The following MTIF3 variants were observed in gnomAD, a reference collection of about 807,000 sequenced individuals.
The protein encoded by MTIF3 is mitochondrial translational initiation factor 3.
A neutral mutation model predicts 20.7 loss-of-function variants in MTIF3; 13 were observed. The observed-to-expected ratio is 0.63, with a 90% CI of 0.41 to 1.00. MTIF3 has a LOEUF of 1.00. Ranked by LOEUF, MTIF3 falls within the 50% of genes least tolerant of loss-of-function variation. MTIF3 has a pLI of 0.00. For missense variants in MTIF3, 295 were observed against 324.5 expected, an observed-to-expected ratio of 0.91 and a Z score of 0.70; for synonymous variants, 114 against 112.5, an observed-to-expected ratio of 1.01 and a Z score of -0.08.
chr13:27,450,230 A>T (rs973475294), intron 1 of MTIF3: 4 of 152,326 alleles, frequency 2.6e-5, no homozygotes, highest in Admixed American at 6.5e-5. Context: ...GAGGGCGCGC[A>T]TGTCGGGACG....
intron 2 of MTIF3, among the ~76,000 whole-genome samples, chr13:27,443,569 T>C (rs1192256334): frequency 6.6e-6 from 1 of 152,228 alleles, no homozygotes; most frequent in Admixed American, 6.5e-5. Context: ...AATAGATAGA[T>C]ATAAATTCTA....
intron 1 of MTIF3, among the ~76,000 whole-genome samples, chr13:27,447,722 T>C (rs1434033251): frequency 2.2e-3 from 6 of 2,788 alleles, no homozygotes; most frequent in East Asian, 8.2e-3. Context: ...ATTGTTCTGA[T>C]TTTTTCCCAT....
chr13:27,445,961 G>T (rs973999466), intron 1 of MTIF3, among the ~76,000 whole-genome samples: 1 of 152,144 alleles, frequency 6.6e-6, no homozygotes, highest in African/African-American at 2.4e-5. Flanking sequence ...AAAAATCAAG[G>T]AGACATAATT....
At chr13:27,450,046 T>A (rs2138223581) in intron 1 of MTIF3, 1 of 152,428 alleles carries the variant, frequency 6.6e-6, no homozygotes, top group Non-Finnish European at 1.5e-5. Flanking sequence ...GCCCTTCGCC[T>A]GGCTCGCTCT....
At chr13:27,437,078 C>G in intron 4 of MTIF3, 38 bp downstream of exon 4, 1 of 1,599,450 alleles carries the variant, frequency 6.3e-7, no homozygotes, top group East Asian at 2.2e-5. Context: ...ATCAGAAGAC[C>G]CAAAGCACAA....
At chr13:27,446,362 ATT>A (rs1566088554) in intron 1 of MTIF3, among the ~76,000 whole-genome samples, 2 of 152,262 alleles carry the variant, frequency 1.3e-5, no homozygotes, top group East Asian at 3.9e-4. Flanking sequence ...CCGCCTGTTA[ATT>A]TTCTTAGGTG....
intron 2 of MTIF3, among the ~76,000 whole-genome samples, chr13:27,444,283 C>T (rs897985945): frequency 2.7e-5 from 4 of 150,128 alleles, no homozygotes; most frequent in South Asian, 4.2e-4. Flanking sequence ...CCAGCCTGGG[C>T]GACAGAGCGA....
In MTIF3 at chr13:27,435,682, T is replaced by G. The variant is rs930134282; in HGVS notation, c.830A>C (p.His277Pro). The change falls in exon 5 of 5, where the codon CAT (histidine) becomes CCT (proline). Residue 277 changes from histidine (H) to proline (P), a missense_variant. His to Pro is a moderately conservative substitution (Grantham distance 77). Coordinates refer to ENST00000381120, the MANE Select transcript of MTIF3 (RefSeq NM_152912.5). ...HGNDKESNVL[H>P]Q is the part of the protein sequence containing the mutation. ...TGCTTTTCTTTATTAAAATTACTGA[T>G]GCAGAACATTTGATTCCTTATCATT... is the stretch of plus-strand genomic sequence containing the variant. 3.1e-6 allele frequency: 5 copies of G among 1,613,790 alleles called. No homozygotes were observed. The Admixed American group carries it at 5.0e-5, about 16-fold the overall frequency.
At chr13:27,449,074 CTCCTATGTTAA>C (rs1365163733) in intron 1 of MTIF3, among the ~76,000 whole-genome samples, 2 of 152,144 alleles carry the variant, frequency 1.3e-5, no homozygotes, top group Non-Finnish European at 2.9e-5. Flanking sequence ...TTAACTTATT[CTCCTATGTTAA>C]TCCTATGTTA....
chr13:27,442,522 A>G (rs2138133282), intron 2 of MTIF3, among the ~76,000 whole-genome samples: 1 of 152,236 alleles, frequency 6.6e-6, no homozygotes, highest in Middle Eastern at 3.4e-3. Context: ...CCTGGCTAGT[A>G]TCTCACTCCA....
chr13:27,445,015 C>T (rs1012040289), intron 2 of MTIF3, 73 bp downstream of exon 2: 1 of 152,154 alleles, frequency 6.6e-6, no homozygotes, highest in Non-Finnish European at 1.5e-5. Flanking sequence ...GCCACAACTG[C>T]ATGGGACTAT....
rs116244675 is a variant in MTIF3, at chr13:27,435,774, A to C, written c.738T>G (p.Asn246Lys). 3.7e-6 allele frequency: 6 copies of C among 1,613,834 alleles called. No individual in the cohort carries two copies. Among genetic ancestry groups the C allele is most frequent in the Non-Finnish European group, 5.1e-6 (6 of 1,179,972 alleles). Residue 246 changes from asparagine to lysine, a missense_variant, in exon 5 of 5, where the codon AAT becomes AAG. Asn to Lys is a moderately conservative substitution (Grantham distance 94, BLOSUM62 0). Coordinates refer to ENST00000381120, the MANE Select transcript of MTIF3 (RefSeq NM_152912.5). ...GAGTTTCTTTATATGCCTTCTCCTC[A>C]TTTTTGCTGAAAGCACGAAGAACAC... Reference protein sequence around the residue: ...LMCVLRAFSKNEEKAYKETQE... With the variant: ...LMCVLRAFSKKEEKAYKETQE...
At chr13:27,448,965 C>G (rs1954265329) in intron 1 of MTIF3, among the ~76,000 whole-genome samples, 1 of 143,246 alleles carries the variant, frequency 7.0e-6, no homozygotes, top group Non-Finnish European at 1.5e-5. Flanking sequence ...CACTTGAACC[C>G]GGGAAGCAGA....
intron 1 of MTIF3, among the ~76,000 whole-genome samples, chr13:27,447,689 A>G (rs745996033): frequency 7.9e-5 from 12 of 151,386 alleles, no homozygotes; most frequent in Non-Finnish European, 1.3e-4. Flanking sequence ...TTCCAAGTCA[A>G]TCTCCATCCC....
At chr13:27,449,540 T>C (rs1954289510) in intron 1 of MTIF3, among the ~76,000 whole-genome samples, 1 of 152,192 alleles carries the variant, frequency 6.6e-6, no homozygotes, top group Non-Finnish European at 1.5e-5. Context: ...AAACGCCAGA[T>C]CCTTAGCGCA....
At chr13:27,444,686 C>T (rs1486057478) in intron 2 of MTIF3, among the ~76,000 whole-genome samples, 2 of 152,132 alleles carry the variant, frequency 1.3e-5, no homozygotes, top group South Asian at 2.1e-4. Context: ...CAACTATCTC[C>T]CCCCAACCAT....
At chr13:27,449,374 G>A (rs984689540) in intron 1 of MTIF3, among the ~76,000 whole-genome samples, 1 of 152,120 alleles carries the variant, frequency 6.6e-6, no homozygotes, top group Non-Finnish European at 1.5e-5. Context: ...ACTACACCCA[G>A]GACCTTCCTC....
intron 2 of MTIF3, chr13:27,440,922 T>C (rs1953984720): frequency 1.8e-5 from 3 of 170,426 alleles, no homozygotes; most frequent in African/African-American, 4.8e-5. Context: ...ATATTTTGTA[T>C]GCCATATGTA....
At position 27,435,746 on chromosome 13, in the gene MTIF3, C is replaced by CTTGAG; in HGVS notation, c.761_765dup (p.Glu256LeufsTer10). ...TTCAAAGTGTCTCTTTCCTGGGTCT[C>CTTGAG]TTGAGTTTCTTTATATGCCTTCTCC... On this transcript the variant is annotated frameshift_variant, in exon 5 of 5. Transcript: ENST00000381120. LOFTEE classifies it low-confidence loss of function (END_TRUNC). The CTTGAG allele has an allele frequency of 6.2e-7, 1 of 1,614,120 alleles. No homozygotes were observed. Among genetic ancestry groups the CTTGAG allele is most frequent in the Non-Finnish European group, 8.5e-7 (1 of 1,179,986 alleles).
Sources: gnomAD v4.1 joint callset for allele counts (sites outside exome capture counted in the v4.1 genomes callset) on GRCh38, gnomAD v4.1.1 for gene constraint, MANE v1.5 for transcripts, NCBI Gene and HGNC (gene_info 2026-07-23, HGNC 2026-07-21) for gene names.